The following SOX21 variants were observed in gnomAD, a reference collection of about 807,000 sequenced individuals.
SOX21 encodes SRY-box transcription factor 21.
For missense variants in SOX21, 370 were observed against 388.8 expected, an observed-to-expected ratio of 0.95 and a Z score of 0.41; for synonymous variants, 237 against 189.7, an observed-to-expected ratio of 1.25 and a Z score of -2.05.
Position 94,711,693 on chromosome 13 carries a change from C to G in SOX21, c.357G>C (p.Ala119=). 1.1e-5 allele frequency: 17 copies of G among 1,520,080 alleles called. No individual in the cohort carries two copies. Among genetic ancestry groups the G allele is most frequent in the East Asian group, 2.6e-5 (1 of 38,018 alleles). The allele number at this position is 1,520,080 out of a possible 1,614,324, so 94.2% of individuals were successfully genotyped here. The change falls in exon 1 of 1, where the codon GCG becomes GCC. Residue 119 remains alanine, a synonymous_variant. Transcript: ENST00000376945. ...PALKAGAGLH[A]GAGGGLVPES... is the part of the protein sequence containing the mutation. ...CAGGCACCAGGCCGCCGCCCGCCCC[C>G]GCGTGCAGCCCGGCGCCCGCCTTGA...
At position 94,712,470 on chromosome 13, in the gene SOX21, C is replaced by G; in HGVS notation, c.-421G>C. 2 of 990,088 alleles carry G rather than the reference C, an allele frequency of 2.0e-6. No individual in the cohort carries two copies. The highest frequency in any genetic ancestry group is 2.4e-6 in the Non-Finnish European group (2 of 833,650). The allele number at this position is 990,088 out of a possible 1,614,324, so 61.3% of individuals were successfully genotyped here. A position where few individuals can be genotyped will look rare whatever the true frequency, so the allele number is the denominator to read the frequency against. The stretch of plus-strand genomic sequence containing the variant: ...CCCCAAAAGTTGCGTCGCGGAGACT[C>G]CTCGAAGTTGAGCCGAGGAGCCCGC... On this transcript the variant is annotated 5_prime_UTR_variant, in exon 1 of 1. Transcript: ENST00000376945. The surrounding 1 kb of genome is among the most constrained non-coding windows in gnomAD (Gnocchi z 5.0).
chr13:94,711,355 G>A lies in SOX21; in HGVS notation c.695C>T (p.Pro232Leu), dbSNP rs1875233570. Residue 232 changes from proline (P) to leucine (L), a missense_variant, in exon 1 of 1, where the codon CCG (proline) becomes CTG (leucine). Physicochemically the swap from Pro to Leu is moderately conservative, Grantham distance 98. Transcript: ENST00000376945. ...HTHSHPSPGN[P>L]GYMIPCNCSA... is the part of the protein sequence containing the mutation. The stretch of plus-strand genomic sequence containing the variant: ...GCAGTTGCACGGGATCATGTAGCCC[G>A]GGTTGCCCGGGCTGGGGTGCGAGTG... 7.9e-7 allele frequency: 1 copy of A among 1,264,696 alleles called. No homozygotes were observed. The highest frequency in any genetic ancestry group is 9.9e-7 in the Non-Finnish European group (1 of 1,007,610). The allele number at this position is 1,264,696 out of a possible 1,614,324, so 78.3% of individuals were successfully genotyped here.
rs766248811 is a variant in SOX21 at position 94,709,711 on chromosome 13, C to A, written c.*1508G>T. The A allele has an allele frequency of 6.6e-6, 1 of 152,552 alleles. No homozygotes were observed. Among genetic ancestry groups the A allele is most frequent in the African/African-American group, 2.4e-5 (1 of 41,426 alleles). The allele number at this position is 152,552 out of a possible 1,614,324, so 9.4% of individuals were successfully genotyped here. On this transcript the variant is annotated 3_prime_UTR_variant, in exon 1 of 1. Transcript: ENST00000376945. ...AGTCGGATTCTAATTTACAGATATA[C>A]CTTAGACGTCTAATATTAAATTAGA...
chr13:94,712,505 C>A lies in SOX21; in HGVS notation c.-456G>T. On this transcript the variant is annotated 5_prime_UTR_variant, in exon 1 of 1. Transcript: ENST00000376945. The surrounding 1 kb of genome is among the most constrained non-coding windows in gnomAD (Gnocchi z 5.0). Reference sequence around the variant, plus strand: ...GAGCCGAGGAGCCCGCCGCCGCGTGCTGCCAAGTGCCAAAGGGGGCTCTCA... The same window carrying A: ...GAGCCGAGGAGCCCGCCGCCGCGTGATGCCAAGTGCCAAAGGGGGCTCTCA... The A allele has an allele frequency of 1.0e-6, 1 of 988,418 alleles. No individual in the cohort carries two copies. The highest frequency in any genetic ancestry group is 1.7e-5 in the African/African-American group (1 of 57,416). The allele number at this position is 988,418 out of a possible 1,614,324, so 61.2% of individuals were successfully genotyped here.
rs754782533 is a variant in SOX21 at position 94,711,710 on chromosome 13, C to T, written c.340G>A (p.Gly114Ser). 5 of 1,584,466 alleles carry T rather than the reference C, an allele frequency of 3.2e-6. No individual in the cohort carries two copies. The Admixed American group carries it at 9.0e-5, about 28-fold the overall frequency. Reference protein sequence around the residue: ...ADAEHPALKAGAGLHAGAGGG... With the variant: ...ADAEHPALKASAGLHAGAGGG... ...CCCGCCCCCGCGTGCAGCCCGGCGCCCGCCTTGAGCGCAGGGTGCTCGGCG... is the reference window on the plus strand; with the variant it reads ...CCCGCCCCCGCGTGCAGCCCGGCGCTCGCCTTGAGCGCAGGGTGCTCGGCG... Residue 114 changes from glycine to serine, a missense_variant, in exon 1 of 1, where the codon GGC (glycine) becomes AGC (serine). Gly to Ser is a moderately conservative substitution (Grantham distance 56). Transcript: ENST00000376945.
In SOX21 at chr13:94,712,421, C is replaced by G; in HGVS notation, c.-372G>C. The G allele has an allele frequency of 1.1e-5, 11 of 1,008,016 alleles. No homozygotes were observed. The highest frequency in any genetic ancestry group is 1.3e-5 in the Non-Finnish European group (11 of 846,432). 62.4% of individuals were successfully genotyped at this position (1,008,016 alleles called of 1,614,324 possible). A position where few individuals can be genotyped will look rare whatever the true frequency, so the allele number is the denominator to read the frequency against. ...GGGCAGAGCGCTCCTCCTCCTCGGT[C>G]GTTCTCTCTTAAATGCAAAGCGTCC... On this transcript the variant is annotated 5_prime_UTR_variant, in exon 1 of 1. Coordinates refer to ENST00000376945, the MANE Select transcript of SOX21 (RefSeq NM_007084.4). This position sits in a 1 kb window ranked among gnomAD's most constrained non-coding sequence, Gnocchi z 5.0.
At position 94,712,272 on chromosome 13, in the gene SOX21, C is replaced by T. The variant is rs930058929; in HGVS notation, c.-223G>A. On this transcript the variant is annotated 5_prime_UTR_variant, in exon 1 of 1. Transcript: ENST00000376945. This position sits in a 1 kb window ranked among gnomAD's most constrained non-coding sequence, Gnocchi z 5.0. ...CCGGCCGAGCGCTCGAGCAGGTTGT[C>T]TCTGGGACACTCTAACTTCTCGGCG... is the stretch of plus-strand genomic sequence containing the variant. 1.7e-6 allele frequency: 2 copies of T among 1,201,922 alleles called. No homozygotes were observed. Among genetic ancestry groups the T allele is most frequent in the African/African-American group, 3.2e-5 (2 of 62,192 alleles). 74.5% of individuals were successfully genotyped at this position (1,201,922 alleles called of 1,614,324 possible).
Position 94,712,274 on chromosome 13 carries a change from C to A in SOX21, c.-225G>T. ...GGCCGAGCGCTCGAGCAGGTTGTCT[C>A]TGGGACACTCTAACTTCTCGGCGGT... On this transcript the variant is annotated 5_prime_UTR_variant, in exon 1 of 1. Transcript: ENST00000376945. The surrounding 1 kb of genome is among the most constrained non-coding windows in gnomAD (Gnocchi z 5.0). 8.3e-7 allele frequency: 1 copy of A among 1,202,070 alleles called. No homozygotes were observed. Among genetic ancestry groups the A allele is most frequent in the Non-Finnish European group, 1.0e-6 (1 of 972,256 alleles). The allele number at this position is 1,202,070 out of a possible 1,614,324, so 74.5% of individuals were successfully genotyped here.
Position 94,712,028 on chromosome 13 carries a change from C to A in SOX21, c.22G>T (p.Val8Phe). The change falls in exon 1 of 1, where the codon GTC (valine) becomes TTC (phenylalanine). Residue 8 changes from valine to phenylalanine, a missense_variant. Coordinates refer to ENST00000376945, the MANE Select transcript of SOX21 (RefSeq NM_007084.4). This position sits in a 1 kb window ranked among gnomAD's most constrained non-coding sequence, Gnocchi z 5.0. ...ATGAAGGCGTTCATGGGCCGCTTGACGTGGTCCACCGGCTTGGACATGCTC... is the reference window on the plus strand; with the variant it reads ...ATGAAGGCGTTCATGGGCCGCTTGAAGTGGTCCACCGGCTTGGACATGCTC... MSKPVDH[V>F]KRPMNAFMVW... The A allele has an allele frequency of 6.2e-7, 1 of 1,613,724 alleles. No homozygotes were observed. Among genetic ancestry groups the A allele is most frequent in the Non-Finnish European group, 8.5e-7 (1 of 1,179,840 alleles).
At position 94,711,257 on chromosome 13, in the gene SOX21, G is replaced by T; in HGVS notation, c.793C>A (p.Leu265Met). ...GCGTAGGCCGCGGGGTAGGGGTCCA[G>T]CTGGGGCTTGCCCATGCCCGGCAGC... ...ILLPGMGKPQ[L>M]DPYPAAYAAA... Residue 265 changes from leucine to methionine, a missense_variant, in exon 1 of 1, where the codon CTG becomes ATG. Coordinates refer to ENST00000376945, the MANE Select transcript of SOX21 (RefSeq NM_007084.4). 7.3e-7 allele frequency: 1 copy of T among 1,374,924 alleles called. No homozygotes were observed. The highest frequency in any genetic ancestry group is 3.4e-5 in the Admixed American group (1 of 29,748). 85.2% of individuals were successfully genotyped at this position (1,374,924 alleles called of 1,614,324 possible).
Position 94,710,041 on chromosome 13 carries a change from A to C in SOX21, c.*1178T>G, listed in dbSNP as rs1032883746. On this transcript the variant is annotated 3_prime_UTR_variant, in exon 1 of 1. Transcript: ENST00000376945. Reference sequence around the variant, plus strand: ...CTTGGGAGAGAAATGCTAGCTGAAAATGAGAGACATCTGTTGAAACAATTC... The same window carrying C: ...CTTGGGAGAGAAATGCTAGCTGAAACTGAGAGACATCTGTTGAAACAATTC... 2.0e-5 allele frequency: 3 copies of C among 152,238 alleles called. No individual in the cohort carries two copies. Among genetic ancestry groups the C allele is most frequent in the East Asian group, 1.9e-4 (1 of 5,196 alleles). The allele number at this position is 152,238 out of a possible 1,614,324, so 9.4% of individuals were successfully genotyped here.
Position 94,711,379 on chromosome 13 carries a change from T to G in SOX21, c.671A>C (p.His224Pro), listed in dbSNP as rs779893459. The G allele has an allele frequency of 2.4e-6, 3 of 1,244,680 alleles. No homozygotes were observed. The highest frequency in any genetic ancestry group is 3.0e-6 in the Non-Finnish European group (3 of 996,386). 77.1% of individuals were successfully genotyped at this position (1,244,680 alleles called of 1,614,324 possible). ...CGGGTTGCCCGGGCTGGGGTGCGAG[T>G]GCGTGTGCCCCCCGGCGGCGGCGGC... ...AAAAAAGGHT[H>P]SHPSPGNPGY... Residue 224 changes from histidine (H) to proline (P), a missense_variant, in exon 1 of 1, where the codon CAC (histidine) becomes CCC (proline). By Grantham distance (77) the His-to-Pro change is moderately conservative. Coordinates refer to ENST00000376945, the MANE Select transcript of SOX21 (RefSeq NM_007084.4).
chr13:94,712,233 C>T lies in SOX21; in HGVS notation c.-184G>A. ...GCCCAGGGCCACGCCGCGCCCCGGG[C>T]CGCCTTAGTGTCTCCGGCCGAGCGC... is the stretch of plus-strand genomic sequence containing the variant. On this transcript the variant is annotated 5_prime_UTR_variant, in exon 1 of 1. Coordinates refer to ENST00000376945, the MANE Select transcript of SOX21 (RefSeq NM_007084.4). This position sits in a 1 kb window ranked among gnomAD's most constrained non-coding sequence, Gnocchi z 5.0. 2 of 1,250,250 alleles carry T rather than the reference C, an allele frequency of 1.6e-6. No homozygotes were observed. Among genetic ancestry groups the T allele is most frequent in the African/African-American group, 1.6e-5 (1 of 63,122 alleles). 77.4% of individuals were successfully genotyped at this position (1,250,250 alleles called of 1,614,324 possible).
Position 94,710,582 on chromosome 13 carries a change from T to A in SOX21, c.*637A>T, listed in dbSNP as rs1425384056. 1 of 152,206 alleles carries A rather than the reference T, an allele frequency of 6.6e-6. No homozygotes were observed. The highest frequency in any genetic ancestry group is 2.4e-5 in the African/African-American group (1 of 41,458). The allele number at this position is 152,206 out of a possible 1,614,324, so 9.4% of individuals were successfully genotyped here. A position where few individuals can be genotyped will look rare whatever the true frequency, so the allele number is the denominator to read the frequency against. On this transcript the variant is annotated 3_prime_UTR_variant, in exon 1 of 1. Transcript: ENST00000376945. ...AAAAGGCCAGATTCGAGCCGGTCACTGGTCAAGAATGGATCTGGTTGGGAG... is the reference window on the plus strand; with the variant it reads ...AAAAGGCCAGATTCGAGCCGGTCACAGGTCAAGAATGGATCTGGTTGGGAG...
chr13:94,712,140 G>T lies in SOX21; in HGVS notation c.-91C>A. 6.8e-7 allele frequency: 1 copy of T among 1,462,246 alleles called. No individual in the cohort carries two copies. The highest frequency in any genetic ancestry group is 1.4e-5 in the South Asian group (1 of 71,578). The allele number at this position is 1,462,246 out of a possible 1,614,324, so 90.6% of individuals were successfully genotyped here. A position where few individuals can be genotyped will look rare whatever the true frequency, so the allele number is the denominator to read the frequency against. On this transcript the variant is annotated 5_prime_UTR_variant, in exon 1 of 1. Transcript: ENST00000376945. The surrounding 1 kb of genome is among the most constrained non-coding windows in gnomAD (Gnocchi z 5.0). The stretch of plus-strand genomic sequence containing the variant: ...CAATGTTGGCTGCCCGCGGAGACCC[G>T]CTCGGCCGGCCGGGGCTCGTCGCGC...
chr13:94,711,427 G>A lies in SOX21; in HGVS notation c.623C>T (p.Ala208Val). The A allele has an allele frequency of 1.3e-6, 1 of 776,700 alleles. No homozygotes were observed. The highest frequency in any genetic ancestry group is 1.6e-6 in the Non-Finnish European group (1 of 635,018). The allele number at this position is 776,700 out of a possible 1,614,324, so 48.1% of individuals were successfully genotyped here. Reference protein sequence around the residue: ...PTAGAGAFHGAAAAAAAAAAA... With the variant: ...PTAGAGAFHGVAAAAAAAAAA... Reference sequence around the variant, plus strand: ...GGCCGCCGCTGCAGCCGCCGCCGCCGCGCCGTGGAAGGCGCCCGCGCCCGC... The same window carrying A: ...GGCCGCCGCTGCAGCCGCCGCCGCCACGCCGTGGAAGGCGCCCGCGCCCGC... Residue 208 changes from alanine to valine, a missense_variant, in exon 1 of 1, where the codon GCG becomes GTG. Physicochemically the swap from Ala to Val is moderately conservative, Grantham distance 64. Transcript: ENST00000376945.
chr13:94,711,674 CCAGGCCGCCGCCCGCCCCCGCGTG>C lies in SOX21; in HGVS notation c.352_375del (p.His118_Leu125del). On this transcript the variant is annotated inframe_deletion, in exon 1 of 1. Coordinates refer to ENST00000376945, the MANE Select transcript of SOX21 (RefSeq NM_007084.4). ...GGATTGGCGAGCAGCGACTCAGGCA[CCAGGCCGCCGCCCGCCCCCGCGTG>C]CAGCCCGGCGCCCGCCTTGAGCGCA... 6.8e-7 allele frequency: 1 copy of C among 1,479,014 alleles called. No homozygotes were observed. Among genetic ancestry groups the C allele is most frequent in the Non-Finnish European group, 8.9e-7 (1 of 1,120,702 alleles). The allele number at this position is 1,479,014 out of a possible 1,614,324, so 91.6% of individuals were successfully genotyped here.
At position 94,711,716 on chromosome 13, in the gene SOX21, T is replaced by G. The variant is rs752593051; in HGVS notation, c.334A>C (p.Lys112Gln). 1.6e-5 allele frequency: 25 copies of G among 1,593,660 alleles called. No homozygotes were observed. The highest frequency in any genetic ancestry group is 2.0e-5 in the Non-Finnish European group (23 of 1,172,264). The change falls in exon 1 of 1, where the codon AAG (lysine) becomes CAG (glutamine). Residue 112 changes from lysine to glutamine, a missense_variant. Transcript: ENST00000376945. ...GVADAEHPAL[K>Q]AGAGLHAGAG... Reference sequence around the variant, plus strand: ...CCCGCGTGCAGCCCGGCGCCCGCCTTGAGCGCAGGGTGCTCGGCGTCCGCC... The same window carrying G: ...CCCGCGTGCAGCCCGGCGCCCGCCTGGAGCGCAGGGTGCTCGGCGTCCGCC...
At position 94,711,339 on chromosome 13, in the gene SOX21, C is replaced by A; in HGVS notation, c.711G>T (p.Pro237=). Reference sequence around the variant, plus strand: ...GGCTGGGCCACGCGCTGCAGTTGCACGGGATCATGTAGCCCGGGTTGCCCG... The same window carrying A: ...GGCTGGGCCACGCGCTGCAGTTGCAAGGGATCATGTAGCCCGGGTTGCCCG... ...PSPGNPGYMI[P]CNCSAWPSPG... Residue 237 remains proline (P), a synonymous_variant, in exon 1 of 1, where the codon CCG becomes CCT. Coordinates refer to ENST00000376945, the MANE Select transcript of SOX21 (RefSeq NM_007084.4). The A allele has an allele frequency of 7.7e-7, 1 of 1,294,972 alleles. No individual in the cohort carries two copies. The highest frequency in any genetic ancestry group is 2.9e-4 in the Middle Eastern group (1 of 3,400). 80.2% of individuals were successfully genotyped at this position (1,294,972 alleles called of 1,614,324 possible). A position where few individuals can be genotyped will look rare whatever the true frequency, so the allele number is the denominator to read the frequency against.
Sources: allele counts gnomAD v4.1 joint callset, GRCh38; gene constraint gnomAD v4.1.1; non-coding constraint Gnocchi (gnomAD v3.1); transcripts MANE v1.5; gene names NCBI Gene and HGNC (gene_info 2026-07-23, HGNC 2026-07-21).